Variants in N4BP2L1 observed in about 807,000 individuals in gnomAD.
The protein encoded by N4BP2L1 is NEDD4-binding protein 2-like 1.
N4BP2L1 carries 12 observed loss-of-function variants against 21.2 expected under a neutral mutation model. That is an observed-to-expected ratio of 0.57 (90% CI 0.36 to 0.92). The LOEUF (loss-of-function observed/expected upper bound fraction) is 0.92, where lower values mean the gene tolerates loss of function less well. Ranked by LOEUF, N4BP2L1 falls within the 40% of genes least tolerant of loss-of-function variation. N4BP2L1 has a pLI of 0.01. For missense variants in N4BP2L1, 259 were observed against 310.6 expected (o/e 0.83, Z 1.25); for synonymous variants, 104 against 112.8 (o/e 0.92, Z 0.49).
chr13:32,428,531 C>T (rs1462980288), upstream of N4BP2L1, among the ~76,000 whole-genome samples: 2 of 152,156 alleles, frequency 1.3e-5, no homozygotes, highest in Non-Finnish European at 2.9e-5. Context: ...TTGTAAATGG[C>T]AACAGTAAAG....
intron 1 of N4BP2L1, among the ~76,000 whole-genome samples, chr13:32,413,571 C>G (rs917762193): frequency 2.0e-5 from 3 of 152,140 alleles, no homozygotes; most frequent in Non-Finnish European, 4.4e-5. Flanking sequence ...TTAGCCAGAC[C>G]TCTCCACTGG....
chr13:32,417,157 A>G (rs1017068246), intron 1 of N4BP2L1, among the ~76,000 whole-genome samples: 6 of 152,030 alleles, frequency 3.9e-5, no homozygotes, highest in Admixed American at 2.0e-4. Context: ...GAGAATTTCT[A>G]TTTACTCATT....
intron 4 of N4BP2L1, 92 bp from the exon 5 acceptor site, chr13:32,403,292 TC>T: frequency 7.5e-7 from 1 of 1,335,280 alleles, no homozygotes. Context: ...GATATTGCAG[TC>T]CCTGTTCTCA....
intron 1 of N4BP2L1, among the ~76,000 whole-genome samples, chr13:32,427,472 C>T (rs1566366595): frequency 6.6e-6 from 1 of 152,234 alleles, no homozygotes; most frequent in Admixed American, 6.5e-5. Context: ...CGGGTTTTCC[C>T]GAAGAAGAGT....
At chr13:32,409,576 C>T (rs1247843422) in intron 1 of N4BP2L1, among the ~76,000 whole-genome samples, 1 of 152,356 alleles carries the variant, frequency 6.6e-6, no homozygotes, top group Admixed American at 6.5e-5. Context: ...AAAGTAGCTG[C>T]TTTCAAGGAA....
chr13:32,428,164 C>T, upstream of N4BP2L1: 1 of 1,335,568 alleles, frequency 7.5e-7, no homozygotes, highest in Non-Finnish European at 9.7e-7. Context: ...TTTTGTGACT[C>T]TCCGGCCATG....
chr13:32,422,270 C>T (rs951977167), intron 1 of N4BP2L1, among the ~76,000 whole-genome samples: 2 of 151,996 alleles, frequency 1.3e-5, no homozygotes, highest in Admixed American at 1.3e-4. Context: ...CTTGTTTTTT[C>T]ATTATACGAC....
chr13:32,424,898 T>C (rs1022549073), intron 1 of N4BP2L1: 4 of 152,200 alleles, frequency 2.6e-5, no homozygotes, highest in Admixed American at 6.5e-5. Context: ...AAATCTAACA[T>C]TGATTTGGGA....
At chr13:32,405,468 C>T (rs937181135) in intron 3 of N4BP2L1, among the ~76,000 whole-genome samples, 6 of 152,132 alleles carry the variant, frequency 3.9e-5, no homozygotes, top group Non-Finnish European at 8.8e-5. Context: ...TGAGATCGTG[C>T]CACTGCACTC....
intron 1 of N4BP2L1, among the ~76,000 whole-genome samples, chr13:32,426,558 G>T (rs1218275899): frequency 6.6e-6 from 1 of 152,106 alleles, no homozygotes; most frequent in Non-Finnish European, 1.5e-5. Context: ...CTTCTACTCC[G>T]CGAGTCAACC....
intron 1 of N4BP2L1, among the ~76,000 whole-genome samples, chr13:32,408,472 T>C (rs892177232): frequency 1.3e-5 from 2 of 152,146 alleles, no homozygotes; most frequent in Non-Finnish European, 2.9e-5. Flanking sequence ...AACACCACCA[T>C]GGAGCTCCCC....
chr13:32,411,297 G>C (rs1005088631), intron 1 of N4BP2L1, among the ~76,000 whole-genome samples: 2 of 150,198 alleles, frequency 1.3e-5, no homozygotes, highest in African/African-American at 4.9e-5. Context: ...ACAAAACTAA[G>C]GGTGTTTTTC....
At chr13:32,421,437 C>G (rs183535782) in intron 1 of N4BP2L1, among the ~76,000 whole-genome samples, 15 of 151,486 alleles carry the variant, frequency 9.9e-5, no homozygotes, top group Middle Eastern at 6.8e-3. Context: ...CAGCAGGACT[C>G]CCCAATAATT....
chr13:32,426,700 G>A lies in N4BP2L1; in HGVS notation c.179+1204C>T, dbSNP rs73458484. On this transcript the variant is annotated intron_variant, in intron 1 of 4. Coordinates refer to ENST00000380130, the MANE Select transcript of N4BP2L1 (RefSeq NM_052818.3). ...CCATGGCTAGCCTTATCTCTCCAGT[G>A]AGACGGGAAGCCCTTTGAGGGAAAG... Among the ~76,000 whole-genome samples, 571 of 152,220 alleles carry A rather than the reference G, an allele frequency of 3.8e-3. 2 individuals are homozygous for A. Among genetic ancestry groups the A allele is most frequent in the African/African-American group, 0.013 (524 of 41,522 alleles).
intron 3 of N4BP2L1, 62 bp from the exon 4 acceptor site, chr13:32,404,459 G>T: frequency 1.7e-6 from 2 of 1,181,106 alleles, no homozygotes; most frequent in Non-Finnish European, 1.2e-6. Context: ...GAATGTTTAT[G>T]CTGCCATTTA....
upstream of N4BP2L1, chr13:32,428,224 G>C: frequency 1.2e-6 from 1 of 814,168 alleles, no homozygotes; most frequent in Non-Finnish European, 1.7e-6. Context: ...CTTTCCACCC[G>C]CCGGAACCGT....
At chr13:32,408,783 G>A (rs998642477) in intron 1 of N4BP2L1, among the ~76,000 whole-genome samples, 5 of 152,206 alleles carry the variant, frequency 3.3e-5, no homozygotes, top group Non-Finnish European at 7.3e-5. Context: ...AATGCAAAGA[G>A]AAAGCAAAGC....
intron 1 of N4BP2L1, among the ~76,000 whole-genome samples, chr13:32,421,856 A>C (rs2074495695): frequency 6.6e-6 from 1 of 152,046 alleles, no homozygotes; most frequent in African/African-American, 2.4e-5. Flanking sequence ...GGCGTGACTA[A>C]AAAAAAATTC....
chr13:32,405,536 TC>T (rs2073423704), intron 3 of N4BP2L1, among the ~76,000 whole-genome samples: 1 of 143,752 alleles, frequency 7.0e-6, no homozygotes, highest in African/African-American at 2.5e-5. Context: ...TAAAATGACT[TC>T]CCTTAGGCTG....
Sources: gnomAD v4.1 joint callset for allele counts (sites outside exome capture counted in the v4.1 genomes callset) on GRCh38, gnomAD v4.1.1 for gene constraint, MANE v1.5 for transcripts, NCBI Gene and HGNC (gene_info 2026-07-23, HGNC 2026-07-21) for gene names.